Variants in MAP3K5 observed in about 807,000 individuals in gnomAD.
MAP3K5 encodes mitogen-activated protein kinase kinase kinase 5.
A neutral mutation model predicts 158.7 loss-of-function variants in MAP3K5; 56 were observed. The ratio of observed to expected loss-of-function variants is 0.35; its 90% CI spans 0.28 to 0.44. The LOEUF is 0.44. Among genes scored for constraint, MAP3K5 ranks in the 20% least tolerant of loss-of-function variants. MAP3K5 has a pLI of 1.00. For synonymous variants in MAP3K5, 579 were observed against 601.7 expected (o/e 0.96, Z 0.55); for missense variants, 1,294 against 1,674.8 (o/e 0.77, Z 3.97).
intron 1 of MAP3K5, among the ~76,000 whole-genome samples, chr6:136,750,408 A>G (rs549884878): frequency 2.1e-4 from 32 of 152,298 alleles, no homozygotes; most frequent in Admixed American, 1.8e-3. Flanking sequence ...TAGTTAATAC[A>G]GATTAGTTCA....
intron 14 of MAP3K5, chr6:136,629,236 G>GA (rs948958958): frequency 6.6e-6 from 1 of 152,212 alleles, no homozygotes; most frequent in Admixed American, 6.5e-5. Flanking sequence ...AACCACCTTA[G>GA]AAAAAACCAT....
At chr6:136,761,927 A>G (rs1783776585) in intron 1 of MAP3K5, among the ~76,000 whole-genome samples, 1 of 152,214 alleles carries the variant, frequency 6.6e-6, no homozygotes, top group Non-Finnish European at 1.5e-5. Context: ...TGAGGCAGAT[A>G]TAACGCATTT....
intron 15 of MAP3K5, among the ~76,000 whole-genome samples, chr6:136,622,560 G>A (rs1483717741): frequency 3.3e-5 from 5 of 152,184 alleles, no homozygotes; most frequent in African/African-American, 4.8e-5. Flanking sequence ...ATTTCTGATA[G>A]TGCTTATTCC....
intron 7 of MAP3K5, among the ~76,000 whole-genome samples, chr6:136,680,382 C>T (rs1235530891): frequency 1.3e-5 from 2 of 152,142 alleles, no homozygotes; most frequent in Non-Finnish European, 2.9e-5. Flanking sequence ...AAATGATATT[C>T]CATCCTTTGG....
At chr6:136,575,495 A>G (rs1774575556) in intron 25 of MAP3K5, among the ~76,000 whole-genome samples, 1 of 152,152 alleles carries the variant, frequency 6.6e-6, no homozygotes, top group Admixed American at 6.5e-5. Flanking sequence ...ATCTATGGAC[A>G]TTATTTGAAT....
At chr6:136,610,908 C>G (rs1294569792) in intron 18 of MAP3K5, among the ~76,000 whole-genome samples, 1 of 151,628 alleles carries the variant, frequency 6.6e-6, no homozygotes, top group Non-Finnish European at 1.5e-5. Flanking sequence ...GAGTTTGAGA[C>G]CAGCCTGGGC....
chr6:136,701,402 C>T (rs1780849062), intron 3 of MAP3K5, among the ~76,000 whole-genome samples: 1 of 152,188 alleles, frequency 6.6e-6, no homozygotes, highest in African/African-American at 2.4e-5. Context: ...ACCTCACTTC[C>T]AGTTAAAGCA....
chr6:136,659,739 G>GT (rs201974127), intron 8 of MAP3K5, among the ~76,000 whole-genome samples: 2,835 of 152,324 alleles, frequency 0.019, 89 homozygotes, highest in African/African-American at 0.065. Flanking sequence ...AGGACTGATA[G>GT]TTTAACGTGT....
intron 7 of MAP3K5, among the ~76,000 whole-genome samples, chr6:136,682,326 A>AG (rs2114599494): frequency 6.6e-6 from 1 of 152,306 alleles, no homozygotes; most frequent in South Asian, 2.1e-4. Flanking sequence ...AGGGGGAAGG[A>AG]GGGTGGTAAA....
chr6:136,676,224 G>A lies in MAP3K5; in HGVS notation c.1254-6829C>T, dbSNP rs76250842. 9.5e-3 allele frequency among the ~76,000 whole-genome samples: 1,446 copies of A among 152,240 alleles called. 31 individuals are homozygous for A. Among genetic ancestry groups the A allele is most frequent in the African/African-American group, 0.033 (1,364 of 41,540 alleles). Reference sequence around the variant, plus strand: ...CTTGAATCATCAGAATACCTGACACGCTGCAGGTGATTATGAAATACTTGT... The same window carrying A: ...CTTGAATCATCAGAATACCTGACACACTGCAGGTGATTATGAAATACTTGT... On this transcript the variant is annotated intron_variant, in intron 7 of 29. Transcript: ENST00000359015.
intron 21 of MAP3K5, 99 bp from the exon 22 acceptor site, chr6:136,592,713 C>A: frequency 9.7e-7 from 1 of 1,033,810 alleles, no homozygotes; most frequent in Non-Finnish European, 1.5e-6. Flanking sequence ...TGTCAAATAT[C>A]TTGTTGCAAT....
intron 1 of MAP3K5, among the ~76,000 whole-genome samples, chr6:136,729,810 G>T (rs576314506): frequency 2.0e-5 from 3 of 152,222 alleles, no homozygotes; most frequent in Non-Finnish European, 4.4e-5. Context: ...GGAGTCATCC[G>T]AGAGAGCGTG....
At chr6:136,559,677 TG>T (rs1465375218) in intron 28 of MAP3K5, among the ~76,000 whole-genome samples, 1 of 152,190 alleles carries the variant, frequency 6.6e-6, no homozygotes, top group Non-Finnish European at 1.5e-5. Flanking sequence ...TAATTTAAAC[TG>T]CACCTTTATA....
Position 136,670,562 on chromosome 6 carries a change from A to G in MAP3K5, c.1254-1167T>C, listed in dbSNP as rs549334971. ...TCACCTAAGTCATAACTGTGTAAAT[A>G]AAAGACAGGAATAGTAAACATAGTG... On this transcript the variant is annotated intron_variant, in intron 7 of 29. Transcript: ENST00000359015. Among the ~76,000 whole-genome samples the G allele has an allele frequency of 2.0e-5, 3 of 152,294 alleles. No individual in the cohort carries two copies. The South Asian group carries it at 6.2e-4, about 32-fold the overall frequency.
At chr6:136,777,196 C>T (rs769138848) in intron 1 of MAP3K5, among the ~76,000 whole-genome samples, 17 of 152,162 alleles carry the variant, frequency 1.1e-4, no homozygotes, top group African/African-American at 4.1e-4. Context: ...CAACTTGTGC[C>T]CCAACCCTGC....
intron 21 of MAP3K5, among the ~76,000 whole-genome samples, chr6:136,594,419 G>T (rs181980581): frequency 6.0e-4 from 92 of 152,256 alleles, no homozygotes; most frequent in Non-Finnish European, 1.2e-3. Context: ...TCAACATCTC[G>T]CTATTTGGGG....
At chr6:136,651,467 A>G (rs750397847) in intron 10 of MAP3K5, among the ~76,000 whole-genome samples, 47 of 152,350 alleles carry the variant, frequency 3.1e-4, no homozygotes, top group South Asian at 8.3e-4. Flanking sequence ...AAAGAAAGAC[A>G]GAAAAGGTCC....
rs117732263 is a variant in MAP3K5, at chr6:136,676,266, G to A, written c.1254-6871C>T. On this transcript the variant is annotated intron_variant, in intron 7 of 29. Coordinates refer to ENST00000359015, the MANE Select transcript of MAP3K5 (RefSeq NM_005923.4). ...AATACTTGTGAAATGAAGAAAGAAT[G>A]CATCCACTTCCTACCAAGAACCAGG... 9.9e-4 allele frequency among the ~76,000 whole-genome samples: 151 copies of A among 152,272 alleles called. No homozygotes were observed. In the East Asian group the frequency reaches 0.028, roughly 28 times the overall value.
intron 10 of MAP3K5, among the ~76,000 whole-genome samples, chr6:136,654,980 A>C (rs1367864202): frequency 2.6e-5 from 4 of 152,100 alleles, no homozygotes; most frequent in African/African-American, 9.7e-5. Flanking sequence ...TGCCTCTCTC[A>C]ACTGGTGTTT....
Sources: gnomAD v4.1 joint callset for allele counts (sites outside exome capture counted in the v4.1 genomes callset) on GRCh38, gnomAD v4.1.1 for gene constraint, MANE v1.5 for transcripts, NCBI Gene and HGNC (gene_info 2026-07-23, HGNC 2026-07-21) for gene names.